The following CORO2B variants were observed in gnomAD, a reference collection of about 807,000 sequenced individuals.
CORO2B encodes coronin-2B.
A neutral mutation model predicts 58.8 loss-of-function variants in CORO2B; 26 were observed. The ratio of observed to expected loss-of-function variants is 0.44; its 90% confidence interval spans 0.32 to 0.61. The LOEUF (loss-of-function observed/expected upper bound fraction) is 0.61, where lower values mean the gene tolerates loss of function less well. Ranked by LOEUF, CORO2B falls within the 20% of genes least tolerant of loss-of-function variation. CORO2B has a pLI of 0.04. For synonymous variants in CORO2B, 242 were observed against 253.8 expected, an observed-to-expected ratio of 0.95 and a Z score of 0.44; for missense variants, 460 against 645.1, an observed-to-expected ratio of 0.71 and a Z score of 3.11.
At chr15:68,545,022 A>T in the CORO2B span, among the ~76,000 whole-genome samples, 1 of 151,930 alleles carries the variant, frequency 6.6e-6, no homozygotes, top group African/African-American at 2.4e-5. Flanking sequence ...TGATCCGCCC[A>T]CCTCGCCTCC....
At chr15:68,659,500 GC>G (rs1214580003) in intron 2 of CORO2B, among the ~76,000 whole-genome samples, 1 of 152,128 alleles carries the variant, frequency 6.6e-6, no homozygotes, top group Non-Finnish European at 1.5e-5. Context: ...ATCACTTGAG[GC>G]CAAGAGTTCG....
At chr15:68,709,602 G>C (rs1024178285) in intron 3 of CORO2B, among the ~76,000 whole-genome samples, 2 of 151,618 alleles carry the variant, frequency 1.3e-5, no homozygotes, top group African/African-American at 2.4e-5. Flanking sequence ...GACTATAAGC[G>C]TGCGCCACTA....
chr15:68,690,951 G>A (rs960954394), intron 2 of CORO2B, among the ~76,000 whole-genome samples: 13 of 151,668 alleles, frequency 8.6e-5, no homozygotes, highest in African/African-American at 2.9e-4. Context: ...GAGCCACTGT[G>A]CCTAGCCTAC....
chr15:68,686,009 C>T (rs566895995), intron 2 of CORO2B, among the ~76,000 whole-genome samples: 3 of 145,968 alleles, frequency 2.1e-5, no homozygotes, highest in South Asian at 4.4e-4. Context: ...AAATGTTGAG[C>T]TCCTACTTCT....
At chr15:68,562,821 C>CA in the CORO2B span, among the ~76,000 whole-genome samples, 1 of 151,446 alleles carries the variant, frequency 6.6e-6, no homozygotes, top group East Asian at 2.0e-4. Flanking sequence ...CTAAAAAATA[C>CA]AAAAAATTAG....
At chr15:68,638,299 A>G (rs1171165328) in intron 1 of CORO2B, among the ~76,000 whole-genome samples, 1 of 151,802 alleles carries the variant, frequency 6.6e-6, no homozygotes, top group Non-Finnish European at 1.5e-5. Flanking sequence ...CCCTCACAGG[A>G]GAAGGAGAGA....
intron 1 of CORO2B, among the ~76,000 whole-genome samples, chr15:68,618,194 G>A (rs1039560321): frequency 2.0e-5 from 3 of 152,046 alleles, no homozygotes; most frequent in African/African-American, 7.3e-5. Flanking sequence ...GTCATGATAT[G>A]CACTCTATTT....
chr15:68,552,761 C>T, the CORO2B span, among the ~76,000 whole-genome samples: 1 of 152,218 alleles, frequency 6.6e-6, no homozygotes, highest in Non-Finnish European at 1.5e-5. Flanking sequence ...ATCAGCCCCT[C>T]TGATCTCAAC....
the CORO2B span, among the ~76,000 whole-genome samples, chr15:68,556,574 C>T: frequency 1.9e-4 from 29 of 152,246 alleles, no homozygotes; most frequent in African/African-American, 6.3e-4. Flanking sequence ...AAGGCAGCTC[C>T]GCAGAGCACA....
At chr15:68,575,192 C>T (rs183395485), upstream of CORO2B, among the ~76,000 whole-genome samples, 4 of 152,254 alleles carry the variant, frequency 2.6e-5, no homozygotes, top group East Asian at 5.8e-4. Context: ...GTAATGCCCT[C>T]GGGTCAGCCC....
At chr15:68,570,593 C>T in the CORO2B span, among the ~76,000 whole-genome samples, 5 of 152,106 alleles carry the variant, frequency 3.3e-5, no homozygotes, top group Admixed American at 1.3e-4. Context: ...ACCCCAAATA[C>T]GAAAGTTGAA....
intron 1 of CORO2B, among the ~76,000 whole-genome samples, chr15:68,608,130 T>C (rs1474014120): frequency 6.6e-6 from 1 of 152,218 alleles, no homozygotes; most frequent in African/African-American, 2.4e-5. Context: ...GCTACCTACC[T>C]CTGGGGCAAG....
chr15:68,668,446 C>A (rs956001620), intron 2 of CORO2B, among the ~76,000 whole-genome samples: 1 of 152,200 alleles, frequency 6.6e-6, no homozygotes, highest in Non-Finnish European at 1.5e-5. Flanking sequence ...GTGAAGAAAT[C>A]CAACACAGTG....
At chr15:68,565,870 G>GGGCCT in the CORO2B span, among the ~76,000 whole-genome samples, 1 of 152,246 alleles carries the variant, frequency 6.6e-6, no homozygotes, top group African/African-American at 2.4e-5. Context: ...CTCTCCCCTG[G>GGGCCT]GGCCTGGCTG....
chr15:68,518,767 G>A, the CORO2B span, among the ~76,000 whole-genome samples: 15 of 152,060 alleles, frequency 9.9e-5, no homozygotes, highest in Non-Finnish European at 1.8e-4. Context: ...GAGAGGGGGT[G>A]GGGGGCTGCT....
intron 2 of CORO2B, among the ~76,000 whole-genome samples, chr15:68,683,747 C>A (rs965008003): frequency 6.6e-6 from 1 of 152,194 alleles, no homozygotes; most frequent in Non-Finnish European, 1.5e-5. Context: ...TTCTACCTCT[C>A]GGCAAGAGAG....
chr15:68,675,908 G>A lies in CORO2B; in HGVS notation c.217-19232G>A, dbSNP rs116588340. On this transcript the variant is annotated intron_variant, in intron 2 of 11. Transcript: ENST00000261861. ...GCCTTCATGGGGCCTACACGCTAGC[G>A]GAGGAGACAGATAATAAAGTGGATT... Among the ~76,000 whole-genome samples the A allele has an allele frequency of 5.6e-4, 85 of 152,164 alleles. 1 individual carries two copies. Among genetic ancestry groups the A allele is most frequent in the African/African-American group, 1.9e-3 (78 of 41,492 alleles).
At chr15:68,636,720 C>A (rs557727159) in intron 1 of CORO2B, among the ~76,000 whole-genome samples, 25 of 152,332 alleles carry the variant, frequency 1.6e-4, no homozygotes, top group Non-Finnish European at 2.2e-4. Context: ...TCCCTGTACA[C>A]CCCACCCAGG....
At chr15:68,592,361 A>G (rs895685358) in intron 1 of CORO2B, among the ~76,000 whole-genome samples, 8 of 152,006 alleles carry the variant, frequency 5.3e-5, no homozygotes, top group Middle Eastern at 3.2e-3. Flanking sequence ...TGTTCTGTCT[A>G]TTTCATTGGG....
Sources: allele counts gnomAD v4.1 joint callset (sites outside exome capture counted in the v4.1 genomes callset), GRCh38; gene constraint gnomAD v4.1.1; transcripts MANE v1.5; gene names NCBI Gene and HGNC (gene_info 2026-07-23, HGNC 2026-07-21).